The following ABCA13 variants were observed in gnomAD, a reference collection of about 807,000 sequenced individuals.
The protein encoded by ABCA13 is ATP-binding cassette sub-family A member 13.
A neutral mutation model predicts 478.7 loss-of-function variants in ABCA13; 476 were observed. The ratio of observed to expected loss-of-function variants is 0.99; its 90% CI spans 0.92 to 1.07. ABCA13 has a LOEUF of 1.07. Ranked by LOEUF, ABCA13 falls within the 50% of genes least tolerant of loss-of-function variation. ABCA13 has a pLI of 0.00. For synonymous variants in ABCA13, 2,252 were observed against 2,158.9 expected (o/e 1.04, Z -1.20); for missense variants, 6,060 against 5,910.6 (o/e 1.03, Z -0.83).
intron 15 of ABCA13, among the ~76,000 whole-genome samples, chr7:48,257,015 A>G (rs1209433051): frequency 6.6e-6 from 1 of 151,928 alleles, no homozygotes; most frequent in Non-Finnish European, 1.5e-5. Flanking sequence ...CATTGAGGAG[A>G]TCTTTCGCCT....
chr7:48,617,583 G>C (rs889927680), intron 59 of ABCA13, among the ~76,000 whole-genome samples: 1 of 152,106 alleles, frequency 6.6e-6, no homozygotes, highest in African/African-American at 2.4e-5. Context: ...CAGAGGGCAG[G>C]GCTTGGGCTT....
At chr7:48,350,857 C>T in intron 30 of ABCA13, 38 bp downstream of exon 30, 1 of 1,584,272 alleles carries the variant, frequency 6.3e-7, no homozygotes. Flanking sequence ...GCCAAGATGC[C>T]AACTCCTGTA....
chr7:48,314,438 G>T, intron 26 of ABCA13, 29 bp downstream of exon 26: 2 of 1,487,412 alleles, frequency 1.3e-6, no homozygotes, highest in Non-Finnish European at 1.8e-6. Flanking sequence ...ATATATATGT[G>T]TTTAGATTCG....
chr7:48,391,383 A>C (rs1245239207), intron 37 of ABCA13, among the ~76,000 whole-genome samples: 1 of 152,224 alleles, frequency 6.6e-6, no homozygotes, highest in African/African-American at 2.4e-5. Flanking sequence ...TTTTGACTTT[A>C]TGATGGTGTG....
At chr7:48,471,394 A>G (rs957755460) in intron 44 of ABCA13, 136 bp from the exon 45 acceptor site, 4 of 743,540 alleles carry the variant, frequency 5.4e-6, no homozygotes, top group African/African-American at 5.4e-5. Flanking sequence ...AAACAAATGT[A>G]AGAGCTCTGC....
At chr7:48,507,197 C>T (rs950833502) in intron 49 of ABCA13, among the ~76,000 whole-genome samples, 3 of 152,082 alleles carry the variant, frequency 2.0e-5, no homozygotes, top group Non-Finnish European at 2.9e-5. Context: ...TTGTAGAATG[C>T]GACACGATGG....
intron 26 of ABCA13, among the ~76,000 whole-genome samples, chr7:48,316,562 C>T (rs549879223): frequency 7.2e-4 from 110 of 152,206 alleles, no homozygotes; most frequent in African/African-American, 2.6e-3. Flanking sequence ...GAAAAAAAAT[C>T]TTATTTTACT....
At chr7:48,333,959 A>G (rs576595762) in intron 27 of ABCA13, among the ~76,000 whole-genome samples, 1 of 152,204 alleles carries the variant, frequency 6.6e-6, no homozygotes, top group Admixed American at 6.5e-5. Context: ...CTGGCTATTC[A>G]TTACCAGTGT....
intron 59 of ABCA13, among the ~76,000 whole-genome samples, chr7:48,625,203 T>A (rs2131610568): frequency 6.6e-6 from 1 of 152,334 alleles, no homozygotes; most frequent in South Asian, 2.1e-4. Context: ...ACCATATGCT[T>A]TAGTGTGGCA....
intron 55 of ABCA13, among the ~76,000 whole-genome samples, chr7:48,565,084 G>A (rs1378267651): frequency 2.6e-5 from 4 of 152,034 alleles, no homozygotes; most frequent in Non-Finnish European, 5.9e-5. Context: ...CTGCGGAAAC[G>A]GTGATAAACA....
chr7:48,294,837 T>C (rs1799152178), intron 20 of ABCA13, among the ~76,000 whole-genome samples: 1 of 152,234 alleles, frequency 6.6e-6, no homozygotes, highest in South Asian at 2.1e-4. Context: ...TTACATCACT[T>C]AGCATATCTT....
At chr7:48,538,703 G>T (rs1833761002) in intron 55 of ABCA13, among the ~76,000 whole-genome samples, 1 of 152,072 alleles carries the variant, frequency 6.6e-6, no homozygotes, top group Non-Finnish European at 1.5e-5. Context: ...TAACTTATAA[G>T]TCATTCTATG....
intron 29 of ABCA13, 94 bp downstream of exon 29, chr7:48,338,549 G>T: frequency 1.2e-6 from 1 of 855,550 alleles, no homozygotes; most frequent in Non-Finnish European, 1.7e-6. Context: ...ATTGCTAGGT[G>T]ACTTCCAGCA....
At chr7:48,254,250 A>G (rs1226621372) in intron 15 of ABCA13, among the ~76,000 whole-genome samples, 1 of 150,982 alleles carries the variant, frequency 6.6e-6, no homozygotes, top group Non-Finnish European at 1.5e-5. Context: ...CCCAATTCCT[A>G]TTGTTTTTTT....
chr7:48,506,320 A>T lies in ABCA13; in HGVS notation c.13292-16A>T, dbSNP rs375107762. On this transcript the variant is annotated splice_polypyrimidine_tract_variant and intron_variant, in intron 48 of 61. Coordinates refer to ENST00000435803, the MANE Select transcript of ABCA13 (RefSeq NM_152701.5). ...GGAGCAGGCTGAAGGCTCACTTTTCAATTTGTCTTTCACAGGAATAACACT... is the reference window on the plus strand; with the variant it reads ...GGAGCAGGCTGAAGGCTCACTTTTCTATTTGTCTTTCACAGGAATAACACT... 33 of 1,613,372 alleles carry T rather than the reference A, an allele frequency of 2.0e-5. No homozygotes were observed. The Admixed American group carries it at 5.0e-4, about 24-fold the overall frequency.
chr7:48,399,839 CA>C (rs1817348771), intron 38 of ABCA13, among the ~76,000 whole-genome samples: 1 of 152,148 alleles, frequency 6.6e-6, no homozygotes, highest in Admixed American at 6.5e-5. Flanking sequence ...CAAAAGGAGA[CA>C]CCTGCCCCAC....
At chr7:48,504,196 C>G (rs1186989409) in intron 48 of ABCA13, among the ~76,000 whole-genome samples, 1 of 152,098 alleles carries the variant, frequency 6.6e-6, no homozygotes, top group Non-Finnish European at 1.5e-5. Flanking sequence ...TGATAGCAAT[C>G]CAGCTTTTCA....
At position 48,580,308 on chromosome 7, in the gene ABCA13, G is replaced by T; in HGVS notation, c.14439G>T (p.Leu4813=). Residue 4813 remains leucine, a synonymous_variant, in exon 56 of 62, where the codon CTG becomes CTT. Coordinates refer to ENST00000435803, the MANE Select transcript of ABCA13 (RefSeq NM_152701.5). ...AGCAGGATGCCCTGGACGAGCTTCT[G>T]ACTGGTTGGGAACATCTCTATTATT... ...CPQQDALDEL[L]TGWEHLYYYC... is the part of the protein sequence containing the mutation. The T allele has an allele frequency of 1.2e-6, 2 of 1,612,986 alleles. No homozygotes were observed. The highest frequency in any genetic ancestry group is 1.7e-6 in the Non-Finnish European group (2 of 1,179,524).
In ABCA13 at chr7:48,617,038, GTAAAA is replaced by G. The variant is rs1215095478; in HGVS notation, c.14837+1670_14837+1674del. Among the ~76,000 whole-genome samples, 8 of 152,100 alleles carry G rather than the reference GTAAAA, an allele frequency of 5.3e-5. No individual in the cohort carries two copies. In the South Asian group the frequency reaches 1.2e-3, roughly 24 times the overall value. ...GACAGAGTCAGAAAACAATTAAAAA[GTAAAA>G]TAAAATAATTTGTAAAATGCTTATT... is the stretch of plus-strand genomic sequence containing the variant. On this transcript the variant is annotated intron_variant, in intron 59 of 61. Transcript: ENST00000435803.
Sources: gnomAD v4.1 joint callset for allele counts (sites outside exome capture counted in the v4.1 genomes callset) on GRCh38, gnomAD v4.1.1 for gene constraint, MANE v1.5 for transcripts, NCBI Gene and HGNC (gene_info 2026-07-23, HGNC 2026-07-21) for gene names.